The following CLASP1 variants were observed in gnomAD, a reference collection of about 807,000 sequenced individuals.
CLASP1 encodes cytoplasmic linker associated protein 1, also known as CLIP-associating protein 1.
CLASP1 carries 38 observed loss-of-function variants against 192.3 expected under a neutral mutation model. The ratio of observed to expected loss-of-function variants is 0.20; its 90% CI spans 0.15 to 0.26. The LOEUF (loss-of-function observed/expected upper bound fraction) is 0.26, where lower values mean the gene tolerates loss of function less well. CLASP1 is among the 10% of genes least tolerant of loss of function. The pLI, the probability that CLASP1 is intolerant of heterozygous loss-of-function variation, is 1.00. For missense variants in CLASP1, 1,433 were observed against 1,932.5 expected (o/e 0.74, Z 4.85); for synonymous variants, 691 against 712.8 (o/e 0.97, Z 0.49).
chr2:121,579,499 T>A (rs1351871125), intron 2 of CLASP1, among the ~76,000 whole-genome samples: 1 of 152,178 alleles, frequency 6.6e-6, no homozygotes, highest in Non-Finnish European at 1.5e-5. Flanking sequence ...CTCCTCTCAG[T>A]CCCTGGCAAC....
chr2:121,536,199 G>A (rs1475259382), intron 2 of CLASP1, among the ~76,000 whole-genome samples: 1 of 150,578 alleles, frequency 6.6e-6, no homozygotes, highest in Non-Finnish European at 1.5e-5. Context: ...GGCTAACACA[G>A]TGAAACCCCG....
intron 9 of CLASP1, among the ~76,000 whole-genome samples, chr2:121,464,650 G>T (rs547854597): frequency 2.6e-5 from 4 of 152,124 alleles, no homozygotes; most frequent in African/African-American, 9.7e-5. Context: ...GTCTTCTTTT[G>T]AGAAGTGTCT....
chr2:121,422,394 A>G (rs1471188735), intron 22 of CLASP1, among the ~76,000 whole-genome samples: 2 of 152,206 alleles, frequency 1.3e-5, no homozygotes, highest in African/African-American at 4.8e-5. Context: ...TAAAATACAC[A>G]TCCACAGAAT....
chr2:121,550,503 TAACA>T (rs1484152517), intron 2 of CLASP1, among the ~76,000 whole-genome samples: 1 of 151,830 alleles, frequency 6.6e-6, no homozygotes, highest in East Asian at 1.9e-4. Flanking sequence ...CTAGCTAGAC[TAACA>T]AAGAAGAAAA....
intron 16 of CLASP1, among the ~76,000 whole-genome samples, chr2:121,450,710 C>T (rs993539683): frequency 4.6e-5 from 7 of 151,974 alleles, no homozygotes; most frequent in Non-Finnish European, 1.0e-4. Flanking sequence ...CTTTTGTCTC[C>T]CTCAGTCCTG....
intron 15 of CLASP1, 61 bp downstream of exon 15, chr2:121,451,729 C>G (rs561566220): frequency 7.4e-7 from 1 of 1,346,426 alleles, no homozygotes; most frequent in African/African-American, 1.5e-5. Flanking sequence ...GACCACTCAC[C>G]AAAGCATTCA....
chr2:121,392,122 G>A (rs1341628520), intron 30 of CLASP1, among the ~76,000 whole-genome samples: 7 of 152,076 alleles, frequency 4.6e-5, no homozygotes, highest in Admixed American at 6.5e-5. Flanking sequence ...AGGTTTCTTC[G>A]CCACGCCTTT....
At chr2:121,621,485 T>TTA (rs1023802154) in intron 1 of CLASP1, among the ~76,000 whole-genome samples, 5 of 151,884 alleles carry the variant, frequency 3.3e-5, no homozygotes, top group African/African-American at 7.2e-5. Context: ...AATTCTGAAT[T>TTA]TATATATATA....
intron 37 of CLASP1, among the ~76,000 whole-genome samples, chr2:121,350,203 G>C (rs536546995): frequency 5.3e-5 from 8 of 152,306 alleles, no homozygotes; most frequent in Admixed American, 3.9e-4. Flanking sequence ...AAATAACTCA[G>C]CTCTAACTTC....
chr2:121,521,637 G>C (rs956445529), intron 6 of CLASP1, among the ~76,000 whole-genome samples: 3 of 152,174 alleles, frequency 2.0e-5, no homozygotes, highest in African/African-American at 7.2e-5. Context: ...CACTCTGAAA[G>C]GCCTCCCTGC....
chr2:121,357,596 G>A (rs1300710938), intron 37 of CLASP1, among the ~76,000 whole-genome samples: 2 of 152,156 alleles, frequency 1.3e-5, no homozygotes, highest in Non-Finnish European at 2.9e-5. Flanking sequence ...AAGGGCAGGT[G>A]TCACATCTGG....
chr2:121,346,518 T>C (rs57578190), intron 39 of CLASP1, among the ~76,000 whole-genome samples: 2 of 152,370 alleles, frequency 1.3e-5, no homozygotes, highest in East Asian at 1.9e-4. Flanking sequence ...GTAAGAAGTC[T>C]GCCTCCTGGA....
chr2:121,504,157 G>A (rs1275626305), intron 7 of CLASP1, among the ~76,000 whole-genome samples: 10 of 151,818 alleles, frequency 6.6e-5, no homozygotes, highest in Middle Eastern at 3.4e-3. Flanking sequence ...GCTTGAACCC[G>A]GGAGACAGAG....
chr2:121,380,908 G>A (rs1183534009), intron 33 of CLASP1, among the ~76,000 whole-genome samples: 1 of 152,144 alleles, frequency 6.6e-6, no homozygotes, highest in Non-Finnish European at 1.5e-5. Flanking sequence ...TGCTCTGGAG[G>A]GGCAATCTTG....
chr2:121,630,167 G>A (rs1013406795), intron 1 of CLASP1, among the ~76,000 whole-genome samples: 7 of 151,902 alleles, frequency 4.6e-5, no homozygotes, highest in African/African-American at 7.2e-5. Context: ...CGATCCACCC[G>A]CCTCCGCCTC....
At chr2:121,552,016 T>C (rs13382304) in intron 2 of CLASP1, among the ~76,000 whole-genome samples, 30,802 of 151,942 alleles carry the variant, frequency 0.2, 5,835 homozygotes, top group African/African-American at 0.5. Context: ...TGGAATAGAA[T>C]AGAAAGCCCA....
intron 2 of CLASP1, among the ~76,000 whole-genome samples, chr2:121,550,026 A>AC (rs2057887762): frequency 6.6e-6 from 1 of 151,250 alleles, no homozygotes; most frequent in African/African-American, 2.4e-5. Flanking sequence ...AAAAAAAAAA[A>AC]ACCTGAAATC....
intron 2 of CLASP1, among the ~76,000 whole-genome samples, chr2:121,575,073 G>A (rs773898698): frequency 2.0e-5 from 3 of 151,876 alleles, no homozygotes; most frequent in Non-Finnish European, 4.4e-5. Context: ...AAAGCATCAT[G>A]TTGTACATAA....
At chr2:121,423,884 AGCTAAGGTGG>A (rs1202018967) in intron 22 of CLASP1, among the ~76,000 whole-genome samples, 1 of 152,202 alleles carries the variant, frequency 6.6e-6, no homozygotes, top group Non-Finnish European at 1.5e-5. Context: ...GCCTTCTCGT[AGCTAAGGTGG>A]GCTTCAAAGA....
Sources: gnomAD v4.1 joint callset for allele counts (sites outside exome capture counted in the v4.1 genomes callset) on GRCh38, gnomAD v4.1.1 for gene constraint, MANE v1.5 for transcripts, NCBI Gene and HGNC (gene_info 2026-07-23, HGNC 2026-07-21) for gene names.